CREBBP: variants seen among roughly 807,000 people sequenced by gnomAD.
The protein encoded by CREBBP is CREB binding lysine acetyltransferase.
CREBBP carries 19 observed loss-of-function variants against 265.0 expected under a neutral mutation model. The observed-to-expected ratio is 0.07, with a 90% CI of 0.05 to 0.11. The LOEUF (loss-of-function observed/expected upper bound fraction) is 0.11, where lower values mean the gene tolerates loss of function less well. Ranked by LOEUF, CREBBP falls within the 10% of genes least tolerant of loss-of-function variation. The probability of loss-of-function intolerance (pLI) is 1.00; values close to 1 mark genes in which losing one functional copy is unlikely to be tolerated. For synonymous variants in CREBBP, 1,457 were observed against 1,223.7 expected (o/e 1.19, Z -3.98); for missense variants, 2,525 against 3,219.0 (o/e 0.78, Z 5.22).
At chr16:3,859,619 T>C (rs1345606455) in intron 1 of CREBBP, among the ~76,000 whole-genome samples, 1 of 152,112 alleles carries the variant, frequency 6.6e-6, no homozygotes, top group Non-Finnish European at 1.5e-5. Flanking sequence ...TTTCAGCCCA[T>C]CCTTAATTTC....
At chr16:3,832,009 A>C (rs1029189192) in intron 2 of CREBBP, among the ~76,000 whole-genome samples, 1 of 152,122 alleles carries the variant, frequency 6.6e-6, no homozygotes, top group Non-Finnish European at 1.5e-5. Flanking sequence ...TTAAAAAAAA[A>C]AGAAAGAAAA....
At chr16:3,857,557 A>G (rs776141887) in intron 1 of CREBBP, among the ~76,000 whole-genome samples, 1 of 152,180 alleles carries the variant, frequency 6.6e-6, no homozygotes, top group Non-Finnish European at 1.5e-5. Flanking sequence ...GTCCCAACAC[A>G]TGGGTTAAGC....
chr16:3,807,248 G>C (rs1337993011), intron 3 of CREBBP, among the ~76,000 whole-genome samples: 2 of 152,108 alleles, frequency 1.3e-5, no homozygotes, highest in African/African-American at 4.8e-5. Flanking sequence ...GGAGGGGAGA[G>C]GAACAAGAGC....
rs772816432 is a variant in CREBBP at position 3,728,686 on chromosome 16, G to A, written c.6361C>T (p.Leu2121Phe). Reference sequence around the variant, plus strand: ...GGTTGCATGCCGGGCTGGGACTGGAGGCCAGGCTGGGGCTGCATGCCGGGC... The same window carrying A: ...GGTTGCATGCCGGGCTGGGACTGGAAGCCAGGCTGGGGCTGCATGCCGGGC... ...NQPGMQPQPGLQSQPGMQPQP... is the reference protein window; with the variant it reads ...NQPGMQPQPGFQSQPGMQPQP... The change falls in exon 31 of 31, where the codon CTC (leucine) becomes TTC (phenylalanine). Residue 2121 changes from leucine (L) to phenylalanine (F), a missense_variant. Physicochemically the swap from Leu to Phe is conservative, Grantham distance 22. Coordinates refer to ENST00000262367, the MANE Select transcript of CREBBP (RefSeq NM_004380.3). This position sits in a 1 kb window ranked among gnomAD's most constrained non-coding sequence, Gnocchi z 8.7. 1.1e-5 allele frequency: 18 copies of A among 1,613,880 alleles called. No homozygotes were observed. In the South Asian group the frequency reaches 1.9e-4, roughly 17 times the overall value.
At chr16:3,770,054 G>C (rs1404199408) in intron 14 of CREBBP, among the ~76,000 whole-genome samples, 1 of 152,108 alleles carries the variant, frequency 6.6e-6, no homozygotes, top group South Asian at 2.1e-4. Context: ...TATTTTTGTA[G>C]AGACAAGGTT....
intron 3 of CREBBP, among the ~76,000 whole-genome samples, chr16:3,805,117 G>C (rs991136377): frequency 5.3e-5 from 8 of 152,204 alleles, no homozygotes; most frequent in African/African-American, 1.9e-4. Flanking sequence ...AGTTTGAATA[G>C]AAGATTTATA....
intron 1 of CREBBP, among the ~76,000 whole-genome samples, chr16:3,873,661 GTTA>G (rs1479964271): frequency 2.6e-5 from 4 of 152,148 alleles, no homozygotes; most frequent in African/African-American, 7.2e-5. Flanking sequence ...GATGGGAATT[GTTA>G]TTATCTCCAT....
intron 3 of CREBBP, among the ~76,000 whole-genome samples, chr16:3,794,668 G>C (rs913047131): frequency 6.6e-6 from 1 of 152,226 alleles, no homozygotes; most frequent in African/African-American, 2.4e-5. Flanking sequence ...TTTGCTTTCA[G>C]TTGCCTGAAA....
rs374345970 is a variant in CREBBP, at chr16:3,757,281, C to T, written c.3698+7G>A. The stretch of plus-strand genomic sequence containing the variant: ...AGACATAATGCAGGATGCTGCTTGA[C>T]GCTTACCTATTCTGATAGCTGTAGT... On this transcript the variant is annotated splice_region_variant and intron_variant, in intron 19 of 30. Coordinates refer to ENST00000262367, the MANE Select transcript of CREBBP (RefSeq NM_004380.3). The T allele has an allele frequency of 6.6e-4, 1,058 of 1,606,598 alleles. 1 individual carries two copies. Among genetic ancestry groups the T allele is most frequent in the Admixed American group, 1.1e-3 (67 of 59,576 alleles).
Position 3,728,271 on chromosome 16 carries a change from C to T in CREBBP, c.6776G>A (p.Ser2259Asn), listed in dbSNP as rs2151301562. Residue 2259 changes from serine to asparagine, a missense_variant, in exon 31 of 31, where the codon AGC becomes AAC. Transcript: ENST00000262367. The surrounding 1 kb of genome is among the most constrained non-coding windows in gnomAD (Gnocchi z 8.7). ...RMQQHLPLQGSSMGQMAAQMG... is the reference protein window; with the variant it reads ...RMQQHLPLQGNSMGQMAAQMG... The stretch of plus-strand genomic sequence containing the variant: ...CTGAGCCGCCATCTGGCCCATGGAG[C>T]TGCCCTGGAGGGGGAGATGCTGCTG... The T allele has an allele frequency of 6.2e-7, 1 of 1,612,330 alleles. No individual in the cohort carries two copies. Among genetic ancestry groups the T allele is most frequent in the Non-Finnish European group, 8.5e-7 (1 of 1,179,576 alleles).
intron 2 of CREBBP, among the ~76,000 whole-genome samples, chr16:3,845,886 CAAAA>C (rs58655991): frequency 2.9e-4 from 21 of 73,496 alleles, no homozygotes; most frequent in African/African-American, 8.0e-4. Context: ...GACCCTATCT[CAAAA>C]AAAAAAAAAA....
intron 1 of CREBBP, among the ~76,000 whole-genome samples, chr16:3,861,687 T>C (rs2055077741): frequency 6.6e-6 from 1 of 151,056 alleles, no homozygotes; most frequent in African/African-American, 2.4e-5. Context: ...GAAAAGCTGT[T>C]TTATTAATAT....
intron 19 of CREBBP, among the ~76,000 whole-genome samples, chr16:3,755,845 G>C (rs956703642): frequency 3.3e-5 from 5 of 152,184 alleles, no homozygotes; most frequent in African/African-American, 1.2e-4. Flanking sequence ...ATGCAGTTTA[G>C]GGTCTGTCCT....
chr16:3,858,211 G>C (rs911326808), intron 1 of CREBBP, among the ~76,000 whole-genome samples: 37 of 152,168 alleles, frequency 2.4e-4, no homozygotes, highest in African/African-American at 8.7e-4. Context: ...AACACCAGGT[G>C]GGTGGCTAAA....
Position 3,728,478 on chromosome 16 carries a change from C to G in CREBBP, c.6569G>C (p.Arg2190Pro), listed in dbSNP as rs2051812656. The part of the protein sequence containing the change: ...PNMASMNPQY[R>P]EMLRRQLLQQ... ...CAGCAGCTGCCTCCGTAACATTTCT[C>G]GGTACTGTGGATTCATACTCGCCAT... Residue 2190 changes from arginine to proline, a missense_variant, in exon 31 of 31, where the codon CGA (arginine) becomes CCA (proline). Coordinates refer to ENST00000262367, the MANE Select transcript of CREBBP (RefSeq NM_004380.3). The surrounding 1 kb of genome is among the most constrained non-coding windows in gnomAD (Gnocchi z 8.7). The G allele has an allele frequency of 6.2e-7, 1 of 1,613,948 alleles. No individual in the cohort carries two copies. The highest frequency in any genetic ancestry group is 8.5e-7 in the Non-Finnish European group (1 of 1,179,982).
Position 3,745,269 on chromosome 16 carries a change from C to T in CREBBP, c.3914+8G>A. The T allele has an allele frequency of 6.2e-7, 1 of 1,612,840 alleles. No individual in the cohort carries two copies. The highest frequency in any genetic ancestry group is 8.5e-7 in the Non-Finnish European group (1 of 1,179,294). On this transcript the variant is annotated splice_region_variant and intron_variant, in intron 22 of 30. Transcript: ENST00000262367. ...GAACTGCCCTCCAGGCCAGGGGAAACAACTCACCCTGAAGGCCAAATGATG... is the reference window on the plus strand; with the variant it reads ...GAACTGCCCTCCAGGCCAGGGGAAATAACTCACCCTGAAGGCCAAATGATG...
intron 2 of CREBBP, among the ~76,000 whole-genome samples, chr16:3,823,847 C>G (rs1350221134): frequency 3.9e-5 from 6 of 152,098 alleles, no homozygotes; most frequent in Non-Finnish European, 5.9e-5. Flanking sequence ...AGCAGCAGAC[C>G]TTCCCAGCAA....
chr16:3,868,722 C>T (rs980935314), intron 1 of CREBBP, among the ~76,000 whole-genome samples: 2 of 152,092 alleles, frequency 1.3e-5, no homozygotes, highest in East Asian at 3.9e-4. Context: ...AGTCAGACAT[C>T]GAGCTGAGTG....
At chr16:3,820,680 G>A (rs184076942) in intron 2 of CREBBP, among the ~76,000 whole-genome samples, 6 of 152,276 alleles carry the variant, frequency 3.9e-5, no homozygotes, top group East Asian at 3.9e-4. Flanking sequence ...CCTGGGCAAC[G>A]TAGCAAAACC....
Sources: allele counts gnomAD v4.1 joint callset (sites outside exome capture counted in the v4.1 genomes callset), GRCh38; gene constraint gnomAD v4.1.1; non-coding constraint Gnocchi (gnomAD v3.1); transcripts MANE v1.5; gene names NCBI Gene and HGNC (gene_info 2026-07-23, HGNC 2026-07-21).